GRID2: variants seen among roughly 807,000 people sequenced by gnomAD.
GRID2 encodes the protein glutamate ionotropic receptor delta type subunit 2.
GRID2 carries 33 observed loss-of-function variants against 114.8 expected under a neutral mutation model. That is an observed-to-expected ratio of 0.29 (90% CI 0.22 to 0.38). The LOEUF (loss-of-function observed/expected upper bound fraction) is 0.38. Ranked by LOEUF, GRID2 falls within the 10% of genes least tolerant of loss-of-function variation. The probability of loss-of-function intolerance (pLI) is 1.00; values close to 1 mark genes in which losing one functional copy is unlikely to be tolerated. For synonymous variants in GRID2, 505 were observed against 449.9 expected, an observed-to-expected ratio of 1.12 and a Z score of -1.55; for missense variants, 1,184 against 1,257.7, an observed-to-expected ratio of 0.94 and a Z score of 0.89.
In GRID2 at chr4:92,328,065, A is replaced by ATAATAT. The variant is rs1170996006; in HGVS notation, c.88+23321_88+23322insTAATAT. Reference sequence around the variant, plus strand: ...AGTGATAAATGCTCATTCATTTGAAAAGGGGCTATATAAGATAGAGACAGG... The same window carrying ATAATAT: ...AGTGATAAATGCTCATTCATTTGAAATAATATAGGGGCTATATAAGATAGAGACAGG... On this transcript the variant is annotated intron_variant, in intron 1 of 15. Coordinates refer to ENST00000282020, the MANE Select transcript of GRID2 (RefSeq NM_001510.4). Among the ~76,000 whole-genome samples, 93 of 152,190 alleles carry ATAATAT rather than the reference A, an allele frequency of 6.1e-4. No individual in the cohort carries two copies. The Middle Eastern group carries it at 0.01, about 17-fold the overall frequency.
At chr4:93,299,201 C>T (rs1033987380) in intron 8 of GRID2, among the ~76,000 whole-genome samples, 4 of 152,084 alleles carry the variant, frequency 2.6e-5, no homozygotes, top group Admixed American at 6.6e-5. Flanking sequence ...ACCTTTAATT[C>T]TCAGGCACTC....
chr4:92,990,130 C>T (rs1397881172), intron 2 of GRID2, among the ~76,000 whole-genome samples: 1 of 149,812 alleles, frequency 6.7e-6, no homozygotes, highest in Admixed American at 6.7e-5. Context: ...TTTATGTAAC[C>T]TTCTTTATGT....
chr4:92,647,932 T>C (rs1579760052), intron 2 of GRID2, among the ~76,000 whole-genome samples: 3 of 149,610 alleles, frequency 2.0e-5, no homozygotes, highest in Non-Finnish European at 4.4e-5. Flanking sequence ...TTGTATGATA[T>C]GTTCGATTTG....
chr4:92,419,105 A>G (rs1042960517), intron 1 of GRID2, among the ~76,000 whole-genome samples: 1 of 152,128 alleles, frequency 6.6e-6, no homozygotes, highest in African/African-American at 2.4e-5. Flanking sequence ...TTGCTTGTTA[A>G]AATGTAGACA....
At chr4:93,045,717 C>T (rs780450519) in intron 2 of GRID2, among the ~76,000 whole-genome samples, 1 of 152,104 alleles carries the variant, frequency 6.6e-6, no homozygotes, top group African/African-American at 2.4e-5. Context: ...CCCACTCCAG[C>T]GTTACAGACC....
At chr4:92,307,842 G>C (rs1424734185) in intron 1 of GRID2, among the ~76,000 whole-genome samples, 1 of 152,064 alleles carries the variant, frequency 6.6e-6, no homozygotes, top group Non-Finnish European at 1.5e-5. Context: ...ATTAAAGAAA[G>C]GTCTTTTGAC....
chr4:92,916,462 A>C (rs1748800687), intron 2 of GRID2, among the ~76,000 whole-genome samples: 1 of 152,058 alleles, frequency 6.6e-6, no homozygotes, highest in African/African-American at 2.4e-5. Flanking sequence ...TGAACCCATT[A>C]ACTCGTCATT....
chr4:92,948,610 G>T (rs1751814513), intron 2 of GRID2, among the ~76,000 whole-genome samples: 1 of 151,798 alleles, frequency 6.6e-6, no homozygotes, highest in Non-Finnish European at 1.5e-5. Context: ...GAAAAACTCT[G>T]TTTTATATGT....
chr4:93,212,846 C>G (rs1383625645), intron 5 of GRID2, among the ~76,000 whole-genome samples: 1 of 151,510 alleles, frequency 6.6e-6, no homozygotes, highest in Admixed American at 6.6e-5. Flanking sequence ...GATCTTGGCT[C>G]ACTGCAACCT....
At chr4:93,023,581 A>T (rs942292933) in intron 2 of GRID2, among the ~76,000 whole-genome samples, 21 of 152,070 alleles carry the variant, frequency 1.4e-4, no homozygotes, top group Non-Finnish European at 2.4e-4. Flanking sequence ...AGAAATAAGC[A>T]ATACCTGAAA....
intron 13 of GRID2, among the ~76,000 whole-genome samples, chr4:93,523,267 CA>C (rs1730512400): frequency 6.6e-6 from 1 of 151,986 alleles, no homozygotes; most frequent in Non-Finnish European, 1.5e-5. Context: ...AAGGAAATTT[CA>C]AAAAACAAAT....
At chr4:93,714,784 T>C (rs1728769826) in intron 14 of GRID2, among the ~76,000 whole-genome samples, 1 of 152,200 alleles carries the variant, frequency 6.6e-6, no homozygotes, top group South Asian at 2.1e-4. Flanking sequence ...GTTGTTGGTA[T>C]TTCTCTTATA....
chr4:92,411,647 G>GTA (rs1240876484), intron 1 of GRID2, among the ~76,000 whole-genome samples: 4 of 87,286 alleles, frequency 4.6e-5, no homozygotes, highest in South Asian at 3.8e-4. Context: ...GTGTGTGTGT[G>GTA]TGTGTGTGTA....
At chr4:93,436,011 G>C (rs112279555) in intron 10 of GRID2, among the ~76,000 whole-genome samples, 3 of 146,710 alleles carry the variant, frequency 2.0e-5, no homozygotes, top group Non-Finnish European at 3.0e-5. Flanking sequence ...TCTTAAAAAA[G>C]GTATTCTCTA....
chr4:93,196,561 G>A (rs1741513968), intron 4 of GRID2, among the ~76,000 whole-genome samples: 1 of 152,026 alleles, frequency 6.6e-6, no homozygotes, highest in Non-Finnish European at 1.5e-5. Flanking sequence ...ATTGAACTAG[G>A]ACTGTTTTTT....
At chr4:93,449,262 C>T (rs891987939) in intron 10 of GRID2, among the ~76,000 whole-genome samples, 8 of 151,946 alleles carry the variant, frequency 5.3e-5, no homozygotes, top group Non-Finnish European at 1.0e-4. Flanking sequence ...CAAAACTCTT[C>T]AGTAACTATT....
At chr4:92,896,896 C>T (rs1056806364) in intron 2 of GRID2, among the ~76,000 whole-genome samples, 1 of 152,104 alleles carries the variant, frequency 6.6e-6, no homozygotes, top group African/African-American at 2.4e-5. Flanking sequence ...GTATGTGCGA[C>T]GACGCCCGGC....
chr4:92,957,027 A>T (rs1752455586), intron 2 of GRID2, among the ~76,000 whole-genome samples: 1 of 152,052 alleles, frequency 6.6e-6, no homozygotes, highest in African/African-American at 2.4e-5. Flanking sequence ...AATTTTAAGC[A>T]TTCCTTGTAA....
At chr4:93,007,179 G>A (rs1307680783) in intron 2 of GRID2, among the ~76,000 whole-genome samples, 3 of 151,814 alleles carry the variant, frequency 2.0e-5, no homozygotes, top group East Asian at 1.9e-4. Context: ...AGTGCCACTG[G>A]GGAAGGAAAT....
Sources: allele counts gnomAD v4.1 joint callset (sites outside exome capture counted in the v4.1 genomes callset), GRCh38; gene constraint gnomAD v4.1.1; transcripts MANE v1.5; gene names NCBI Gene and HGNC (gene_info 2026-07-23, HGNC 2026-07-21).